MAN1C1: variants seen among roughly 807,000 people sequenced by gnomAD.
MAN1C1 encodes mannosyl-oligosaccharide 1,2-alpha-mannosidase IC.
In MAN1C1, 49 loss-of-function variants were observed where a neutral mutation model predicts 71.5. The ratio of observed to expected loss-of-function variants is 0.69; its 90% CI spans 0.54 to 0.87. MAN1C1 has a LOEUF of 0.87. MAN1C1 is among the 40% of genes least tolerant of loss of function. The pLI, the probability that MAN1C1 is intolerant of heterozygous loss-of-function variation, is 0.00. For synonymous variants in MAN1C1, 352 were observed against 343.7 expected (o/e 1.02, Z -0.27); for missense variants, 743 against 835.0 (o/e 0.89, Z 1.36).
At chr1:25,732,172 G>A (rs554511214) in intron 2 of MAN1C1, among the ~76,000 whole-genome samples, 1 of 152,138 alleles carries the variant, frequency 6.6e-6, no homozygotes, top group Non-Finnish European at 1.5e-5. Flanking sequence ...GGTAGTGCCT[G>A]CTGCAGGGGG....
intron 1 of MAN1C1, among the ~76,000 whole-genome samples, chr1:25,658,476 G>A (rs1462450587): frequency 5.3e-5 from 8 of 151,834 alleles, no homozygotes; most frequent in African/African-American, 9.7e-5. Flanking sequence ...TTTTAAACGC[G>A]GTCTGGCTCT....
At chr1:25,621,612 GT>G (rs1443003624) in intron 1 of MAN1C1, among the ~76,000 whole-genome samples, 1 of 151,202 alleles carries the variant, frequency 6.6e-6, no homozygotes, top group African/African-American at 2.4e-5. Context: ...TGTTGTTGTT[GT>G]TTTTTTTGTT....
At chr1:25,689,589 G>A (rs2046279496) in intron 2 of MAN1C1, among the ~76,000 whole-genome samples, 1 of 152,190 alleles carries the variant, frequency 6.6e-6, no homozygotes, top group Admixed American at 6.5e-5. Flanking sequence ...TCTAGTTGGG[G>A]TGAACCCATG....
At chr1:25,780,646 C>T (rs1483046005) in intron 9 of MAN1C1, 2 of 300,788 alleles carry the variant, frequency 6.6e-6, no homozygotes, top group Non-Finnish European at 1.3e-5. Context: ...TGTGGAACCC[C>T]GCCCAAACCT....
chr1:25,672,633 G>A (rs752346524), intron 1 of MAN1C1, among the ~76,000 whole-genome samples: 2 of 152,138 alleles, frequency 1.3e-5, no homozygotes, highest in African/African-American at 2.4e-5. Flanking sequence ...GGCCCACCCC[G>A]ATAATCAGGC....
intron 1 of MAN1C1, among the ~76,000 whole-genome samples, chr1:25,641,819 TGA>T (rs1319525493): frequency 6.6e-6 from 1 of 152,226 alleles, no homozygotes; most frequent in Non-Finnish European, 1.5e-5. Flanking sequence ...GAGTCAAAAC[TGA>T]GTTTTCCAGA....
rs780433003 is a variant in MAN1C1 at position 25,783,800 on chromosome 1, T to G, written c.*11T>G. 8.1e-6 allele frequency: 13 copies of G among 1,607,656 alleles called. No individual in the cohort carries two copies. The highest frequency in any genetic ancestry group is 1.6e-4 in the Middle Eastern group (1 of 6,078). ...TGGGGCAGACACTGACCCCATCTCC[T>G]GCCGCCGCCCTGGGGCCGCCGCAGG... On this transcript the variant is annotated 3_prime_UTR_variant, in exon 12 of 12. Transcript: ENST00000374332.
At chr1:25,639,039 T>A (rs939100206) in intron 1 of MAN1C1, among the ~76,000 whole-genome samples, 7 of 152,184 alleles carry the variant, frequency 4.6e-5, no homozygotes, top group Non-Finnish European at 8.8e-5. Context: ...TCATTTTTTT[T>A]CTTTGGTCTT....
chr1:25,672,044 G>A (rs1334666692), intron 1 of MAN1C1, among the ~76,000 whole-genome samples: 1 of 152,236 alleles, frequency 6.6e-6, no homozygotes, highest in African/African-American at 2.4e-5. Context: ...AAGCCCAACG[G>A]CCTGGGAACC....
At chr1:25,749,900 G>A (rs569334931) in intron 4 of MAN1C1, among the ~76,000 whole-genome samples, 46 of 152,318 alleles carry the variant, frequency 3.0e-4, no homozygotes, top group African/African-American at 8.9e-4. Context: ...CAGGTCTCAC[G>A]GGGGCAGCAG....
intron 1 of MAN1C1, among the ~76,000 whole-genome samples, chr1:25,651,099 G>T (rs947408811): frequency 2.0e-5 from 3 of 152,230 alleles, no homozygotes; most frequent in African/African-American, 7.2e-5. Flanking sequence ...CACAATAGGG[G>T]CCGCTCACCA....
At chr1:25,663,464 C>T (rs2045879567) in intron 1 of MAN1C1, among the ~76,000 whole-genome samples, 1 of 152,098 alleles carries the variant, frequency 6.6e-6, no homozygotes, top group African/African-American at 2.4e-5. Context: ...GGCACAGTAA[C>T]AGATTAACAA....
At chr1:25,767,966 T>C (rs1572207163) in intron 7 of MAN1C1, among the ~76,000 whole-genome samples, 3 of 55,724 alleles carry the variant, frequency 5.4e-5, no homozygotes, top group South Asian at 6.7e-4. Context: ...ACATCCACAC[T>C]CCCCTCACAC....
intron 10 of MAN1C1, among the ~76,000 whole-genome samples, chr1:25,781,699 C>T (rs1053806300): frequency 6.6e-5 from 10 of 152,098 alleles, no homozygotes; most frequent in Non-Finnish European, 1.2e-4. Context: ...CCTATCTCCC[C>T]CACCACCCCC....
chr1:25,725,418 G>T lies in MAN1C1; in HGVS notation c.638-21250G>T, dbSNP rs1312200521. Among the ~76,000 whole-genome samples, 2 of 152,242 alleles carry T rather than the reference G, an allele frequency of 1.3e-5. No individual in the cohort carries two copies. The highest frequency in any genetic ancestry group is 2.9e-5 in the Non-Finnish European group (2 of 68,046). On this transcript the variant is annotated intron_variant, in intron 2 of 11. Coordinates refer to ENST00000374332, the MANE Select transcript of MAN1C1 (RefSeq NM_020379.4). The surrounding 1 kb of genome is among the most constrained non-coding windows in gnomAD (Gnocchi z 4.8). The stretch of plus-strand genomic sequence containing the variant: ...AAAGTGCTACGGGAATACAGAGGAA[G>T]GAGCCACTGATTCTGCCTCTGGGAA...
At chr1:25,744,930 A>G (rs1186112323) in intron 2 of MAN1C1, among the ~76,000 whole-genome samples, 1 of 152,210 alleles carries the variant, frequency 6.6e-6, no homozygotes, top group Non-Finnish European at 1.5e-5. Flanking sequence ...CTGAAGGAAC[A>G]ATTACTCCTC....
intron 1 of MAN1C1, among the ~76,000 whole-genome samples, chr1:25,628,522 G>C (rs147517194): frequency 0.02 from 3,018 of 152,228 alleles, 103 homozygotes; most frequent in African/African-American, 0.068. Flanking sequence ...TGGTCAGGCT[G>C]CTCTCGAACT....
intron 1 of MAN1C1, among the ~76,000 whole-genome samples, chr1:25,667,525 CAATG>C (rs1449473831): frequency 7.4e-6 from 1 of 135,126 alleles, no homozygotes; most frequent in Non-Finnish European, 1.6e-5. Flanking sequence ...GAAAAAGAAA[CAATG>C]AAACTTGAAG....
intron 1 of MAN1C1, among the ~76,000 whole-genome samples, chr1:25,632,193 G>A (rs2045391355): frequency 1.3e-5 from 2 of 152,124 alleles, no homozygotes; most frequent in African/African-American, 2.4e-5. Flanking sequence ...GCTTGTTATT[G>A]GTCTGTTAAG....
Sources: allele counts gnomAD v4.1 joint callset (sites outside exome capture counted in the v4.1 genomes callset), GRCh38; gene constraint gnomAD v4.1.1; non-coding constraint Gnocchi (gnomAD v3.1); transcripts MANE v1.5; gene names NCBI Gene and HGNC (gene_info 2026-07-23, HGNC 2026-07-21).